Variants in TAFA2 observed in about 807,000 individuals in gnomAD.
The protein encoded by TAFA2 is TAFA chemokine like family member 2.
In TAFA2, 7 loss-of-function variants were observed where a neutral mutation model predicts 18.8. The ratio of observed to expected loss-of-function variants is 0.37; its 90% confidence interval spans 0.21 to 0.70. The LOEUF (loss-of-function observed/expected upper bound fraction) is 0.70, where lower values mean the gene tolerates loss of function less well. TAFA2 is among the 30% of genes least tolerant of loss of function. The pLI, the probability that TAFA2 is intolerant of heterozygous loss-of-function variation, is 0.53. For missense variants in TAFA2, 122 were observed against 158.1 expected (o/e 0.77, Z 1.23); for synonymous variants, 60 against 54.2 (o/e 1.11, Z -0.47).
chr12:61,855,250 T>C (rs1333740414), intron 2 of TAFA2, among the ~76,000 whole-genome samples: 1 of 152,198 alleles, frequency 6.6e-6, no homozygotes. Flanking sequence ...GCAAAGTATG[T>C]TGCATTCACC....
At chr12:62,080,576 A>G (rs2951531) in intron 1 of TAFA2, among the ~76,000 whole-genome samples, 34,898 of 152,076 alleles carry the variant, frequency 0.23, 4,230 homozygotes, top group Admixed American at 0.28. Context: ...TGCTACTGGT[A>G]TGGCTTCTCT....
intron 1 of TAFA2, among the ~76,000 whole-genome samples, chr12:62,206,701 C>T (rs1403550784): frequency 1.3e-5 from 2 of 152,150 alleles, no homozygotes; most frequent in Non-Finnish European, 2.9e-5. Context: ...TGGTCTCAAA[C>T]TTCTGGGCTC....
intron 1 of TAFA2, among the ~76,000 whole-genome samples, chr12:62,105,327 G>A (rs1869400331): frequency 1.3e-5 from 2 of 151,744 alleles, no homozygotes; most frequent in African/African-American, 4.9e-5. Context: ...TATTTCACCA[G>A]GGGGAAAAAG....
At chr12:62,195,586 C>A (rs931058280), upstream of TAFA2, among the ~76,000 whole-genome samples, 3 of 152,338 alleles carry the variant, frequency 2.0e-5, no homozygotes, top group Admixed American at 2.0e-4. Context: ...TCTTGTACAT[C>A]TTCATCAGAG....
At chr12:62,106,176 TA>T (rs200369835) in intron 1 of TAFA2, among the ~76,000 whole-genome samples, 6 of 149,040 alleles carry the variant, frequency 4.0e-5, no homozygotes, top group South Asian at 4.3e-4. Context: ...CTGCTAAAAA[TA>T]AAAAAAAATA....
chr12:62,222,496 A>G (rs1192237948), intron 1 of TAFA2, among the ~76,000 whole-genome samples: 1 of 151,788 alleles, frequency 6.6e-6, no homozygotes, highest in East Asian at 1.9e-4. Flanking sequence ...ATTCAAGGAT[A>G]TTATTTATTA....
intron 1 of TAFA2, among the ~76,000 whole-genome samples, chr12:62,055,293 A>G (rs1882159835): frequency 6.6e-6 from 1 of 152,244 alleles, no homozygotes; most frequent in African/African-American, 2.4e-5. Flanking sequence ...AATCCCAAAC[A>G]GACTAAGATA....
intron 1 of TAFA2, among the ~76,000 whole-genome samples, chr12:62,158,397 G>A (rs989905838): frequency 1.3e-5 from 2 of 152,160 alleles, no homozygotes; most frequent in Non-Finnish European, 2.9e-5. Flanking sequence ...GTCTAAAAGG[G>A]AGAGAGTCTA....
At chr12:62,107,004 C>A (rs775927106) in intron 1 of TAFA2, among the ~76,000 whole-genome samples, 2 of 152,074 alleles carry the variant, frequency 1.3e-5, no homozygotes, top group African/African-American at 2.4e-5. Context: ...AAAAGCAGAA[C>A]GAGAAAGGTT....
At chr12:62,200,099 G>T (rs981884145) in intron 1 of TAFA2, among the ~76,000 whole-genome samples, 1 of 152,030 alleles carries the variant, frequency 6.6e-6, no homozygotes, top group Admixed American at 6.6e-5. Context: ...TTTTTAATAG[G>T]GTTGTTTGTT....
chr12:62,162,746 T>C (rs749984794), intron 1 of TAFA2, among the ~76,000 whole-genome samples: 5 of 152,128 alleles, frequency 3.3e-5, no homozygotes, highest in African/African-American at 7.2e-5. Flanking sequence ...AATAATAAAA[T>C]CTTATAATTT....
intron 2 of TAFA2, among the ~76,000 whole-genome samples, chr12:61,786,692 T>C (rs1249670187): frequency 1.3e-5 from 2 of 151,448 alleles, no homozygotes; most frequent in African/African-American, 4.8e-5. Flanking sequence ...AATGAAACAA[T>C]ACACTAGATA....
At chr12:62,059,137 A>ATGTGTGTGTGGGTG (rs779755647) in intron 1 of TAFA2, among the ~76,000 whole-genome samples, 1 of 43,540 alleles carries the variant, frequency 2.3e-5, no homozygotes, top group Admixed American at 2.9e-4. Flanking sequence ...ATATGTGTGT[A>ATGTGTGTGTGGGTG]TATGTGTGTG....
chr12:61,724,797 G>GTGTGTGTATACACCAGATGGGTGTATA (rs1565751053), intron 4 of TAFA2, among the ~76,000 whole-genome samples: 14 of 114,120 alleles, frequency 1.2e-4, no homozygotes, highest in Non-Finnish European at 2.0e-4. Flanking sequence ...GTGTGTGTGT[G>GTGTGTGTATACACCAGATGGGTGTATA]TGTGTATACA....
chr12:61,857,008 G>T (rs1183691891), intron 2 of TAFA2, among the ~76,000 whole-genome samples: 14 of 151,650 alleles, frequency 9.2e-5, no homozygotes, highest in Non-Finnish European at 1.8e-4. Context: ...GTTAATAATG[G>T]TGTATGTGTA....
intron 1 of TAFA2, among the ~76,000 whole-genome samples, chr12:62,177,302 A>G (rs553122360): frequency 1.6e-3 from 244 of 152,342 alleles, no homozygotes; most frequent in Middle Eastern, 3.4e-3. Context: ...GCCACCACCA[A>G]CTTGTCTAGG....
intron 1 of TAFA2, among the ~76,000 whole-genome samples, chr12:61,887,833 G>A (rs369634153): frequency 2.0e-5 from 3 of 151,376 alleles, no homozygotes; most frequent in Non-Finnish European, 4.4e-5. Flanking sequence ...CCAGTCTATC[G>A]TTGTTGGACA....
chr12:62,017,390 A>G (rs1248645700), intron 1 of TAFA2, among the ~76,000 whole-genome samples: 1 of 152,194 alleles, frequency 6.6e-6, no homozygotes, highest in African/African-American at 2.4e-5. Context: ...CTATTTGTAA[A>G]TGCAATTTAA....
At chr12:61,994,680 C>G (rs1344403527) in intron 1 of TAFA2, among the ~76,000 whole-genome samples, 1 of 151,878 alleles carries the variant, frequency 6.6e-6, no homozygotes, top group African/African-American at 2.4e-5. Flanking sequence ...GTTTAATGGA[C>G]TCTCCCTTCC....
Sources: allele counts gnomAD v4.1 joint callset (sites outside exome capture counted in the v4.1 genomes callset), GRCh38; gene constraint gnomAD v4.1.1; transcripts MANE v1.5; gene names NCBI Gene and HGNC (gene_info 2026-07-23, HGNC 2026-07-21).